Variants in SNX20 observed in about 807,000 individuals in gnomAD.
SNX20 encodes sorting nexin-20.
SNX20 carries 21 observed loss-of-function variants against 24.5 expected under a neutral mutation model. That is an observed-to-expected ratio of 0.86 (90% CI 0.61 to 1.23). SNX20 has a LOEUF of 1.23. Among genes scored for constraint, SNX20 ranks in the 50% most tolerant of loss-of-function variants. The pLI, the probability that SNX20 is intolerant of heterozygous loss-of-function variation, is 0.00. For synonymous variants in SNX20, 206 were observed against 192.8 expected (o/e 1.07, Z -0.57); for missense variants, 433 against 430.8 (o/e 1.00, Z -0.04).
At position 50,671,795 on chromosome 16, in the gene SNX20, G is replaced by A. The variant is rs569423689; in HGVS notation, c.*1611C>T. The A allele has an allele frequency of 6.6e-6, 1 of 152,344 alleles. No homozygotes were observed. The highest frequency in any genetic ancestry group is 1.9e-4 in the East Asian group (1 of 5,174). 9.4% of individuals were successfully genotyped at this position (152,344 alleles called of 1,614,324 possible). A position where few individuals can be genotyped will look rare whatever the true frequency, so the allele number is the denominator to read the frequency against. On this transcript the variant is annotated 3_prime_UTR_variant, in exon 4 of 4. Transcript: ENST00000330943. ...TATCTGTCCAAAGATGAGACAGTCTGTTTCTAGTTTCCCATCCAGCCTGAT... is the reference window on the plus strand; with the variant it reads ...TATCTGTCCAAAGATGAGACAGTCTATTTCTAGTTTCCCATCCAGCCTGAT...
chr16:50,675,652 G>T (rs781049520), intron 3 of SNX20, 118 bp downstream of exon 3: 54 of 1,290,624 alleles, frequency 4.2e-5, no homozygotes, highest in Non-Finnish European at 5.5e-5. Context: ...GAAGAAAGCT[G>T]TGAGTTAGTG....
intron 1 of SNX20, among the ~76,000 whole-genome samples, chr16:50,679,266 A>G (rs1332181998): frequency 7.2e-4 from 109 of 152,280 alleles, no homozygotes; most frequent in Non-Finnish European, 1.3e-4. Context: ...CTGAGCACAG[A>G]TGGGGGCGGG....
At chr16:50,674,191 C>A in intron 3 of SNX20, 117 bp from the exon 4 acceptor site, 1 of 1,235,960 alleles carries the variant, frequency 8.1e-7, no homozygotes, top group Admixed American at 3.4e-5. Context: ...AACGGGCGAT[C>A]CTTATATGCA....
At chr16:50,669,034 C>T (rs1211766367), downstream of SNX20, 1 of 1,551,814 alleles carries the variant, frequency 6.4e-7, no homozygotes, top group Admixed American at 2.0e-5. Context: ...TCTGTGTGTG[C>T]TGCCTCTCAG....
intron 1 of SNX20, among the ~76,000 whole-genome samples, chr16:50,680,448 C>G (rs1963273388): frequency 6.6e-6 from 1 of 152,136 alleles, no homozygotes; most frequent in Non-Finnish European, 1.5e-5. Flanking sequence ...TGTGCACAGA[C>G]AGTCATTCTC....
downstream of SNX20, chr16:50,668,468 T>G (rs1235785050): frequency 2.4e-6 from 2 of 847,774 alleles, no homozygotes; most frequent in African/African-American, 3.6e-5. Context: ...TTGTAGCTAC[T>G]TTCTAATTAT....
At chr16:50,668,785 G>T (rs990539804), downstream of SNX20, 13 of 1,225,132 alleles carry the variant, frequency 1.1e-5, no homozygotes, top group African/African-American at 1.9e-4. Flanking sequence ...CTACCAGCAG[G>T]TGGAACTGGT....
At chr16:50,674,116 G>A in intron 3 of SNX20, 42 bp from the exon 4 acceptor site, 3 of 1,542,710 alleles carry the variant, frequency 1.9e-6, no homozygotes, top group Non-Finnish European at 2.6e-6. Context: ...CTCCCGGCGG[G>A]GGCTGCGGCG....
At position 50,673,443 on chromosome 16, in the gene SNX20, G is replaced by C. The variant is rs762265145; in HGVS notation, c.914C>G (p.Thr305Ser). ...QLRRPTPRGI[T>S]LKELTVREYL... ...TTCTCGCACAGTGAGCTCCTTCAGGGTGATGCCTCGGGGCGTGGGCCTCCG... is the reference window on the plus strand; with the variant it reads ...TTCTCGCACAGTGAGCTCCTTCAGGCTGATGCCTCGGGGCGTGGGCCTCCG... The change falls in exon 4 of 4, where the codon ACC (threonine) becomes AGC (serine). Residue 305 changes from threonine to serine, a missense_variant. Physicochemically the swap from Thr to Ser is moderately conservative, Grantham distance 58. Transcript: ENST00000330943. This position sits in a 1 kb window ranked among gnomAD's most constrained non-coding sequence, Gnocchi z 4.1. 3.1e-6 allele frequency: 5 copies of C among 1,591,464 alleles called. No homozygotes were observed. Among genetic ancestry groups the C allele is most frequent in the Non-Finnish European group, 4.3e-6 (5 of 1,169,786 alleles).
chr16:50,673,278 G>A lies in SNX20; in HGVS notation c.*128C>T. 1.5e-6 allele frequency: 2 copies of A among 1,321,174 alleles called. No homozygotes were observed. Among genetic ancestry groups the A allele is most frequent in the Non-Finnish European group, 1.9e-6 (2 of 1,036,096 alleles). The allele number at this position is 1,321,174 out of a possible 1,614,324, so 81.8% of individuals were successfully genotyped here. A position where few individuals can be genotyped will look rare whatever the true frequency, so the allele number is the denominator to read the frequency against. On this transcript the variant is annotated 3_prime_UTR_variant, in exon 4 of 4. Coordinates refer to ENST00000330943, the MANE Select transcript of SNX20 (RefSeq NM_182854.4). This position sits in a 1 kb window ranked among gnomAD's most constrained non-coding sequence, Gnocchi z 4.1. Reference sequence around the variant, plus strand: ...ATTGAGCCACTGCACTTCAGTCTGGGTGACAGAGCAAGACTGTCTCAAATA... The same window carrying A: ...ATTGAGCCACTGCACTTCAGTCTGGATGACAGAGCAAGACTGTCTCAAATA...
chr16:50,678,615 G>A (rs1443903440), intron 1 of SNX20, among the ~76,000 whole-genome samples: 1 of 152,246 alleles, frequency 6.6e-6, no homozygotes, highest in Non-Finnish European at 1.5e-5. Flanking sequence ...AGGAGCTGGT[G>A]AGTGGTGGGC....
chr16:50,678,276 AATCT>A (rs754803737), intron 1 of SNX20, among the ~76,000 whole-genome samples: 10 of 152,182 alleles, frequency 6.6e-5, no homozygotes, highest in Non-Finnish European at 1.0e-4. Flanking sequence ...ATCAATCAAT[AATCT>A]ATCTATCAGC....
In SNX20 at chr16:50,675,756, C is replaced by T; in HGVS notation, c.282+14G>A. On this transcript the variant is annotated intron_variant, in intron 3 of 3. Coordinates refer to ENST00000330943, the MANE Select transcript of SNX20 (RefSeq NM_182854.4). ...GAGTGAAAGAGGCTCCACCATTTCC[C>T]AATCTCTGCTTACCACAAACTTAGA... 1 of 1,611,114 alleles carries T rather than the reference C, an allele frequency of 6.2e-7. No homozygotes were observed. The highest frequency in any genetic ancestry group is 8.5e-7 in the Non-Finnish European group (1 of 1,178,884).
At chr16:50,669,190 A>C (rs1962984132), downstream of SNX20, 1 of 922,410 alleles carries the variant, frequency 1.1e-6, no homozygotes, top group Non-Finnish European at 1.7e-6. Context: ...AAGGCGTGTC[A>C]GTCCATTTTG....
At chr16:50,675,373 T>C (rs1963157567) in intron 3 of SNX20, among the ~76,000 whole-genome samples, 1 of 152,210 alleles carries the variant, frequency 6.6e-6, no homozygotes, top group African/African-American at 2.4e-5. Context: ...GGTTTTCCAT[T>C]TAAGGTATTT....
rs1370741629 is a variant in SNX20 at position 50,673,837 on chromosome 16, C to T, written c.520G>A (p.Val174Met). Reference sequence around the variant, plus strand: ...TCCAGGAACTCCCGGGAGCGGCGCACGCAGCGGATGGCGTAGAGCAGGCCC... The same window carrying T: ...TCCAGGAACTCCCGGGAGCGGCGCATGCAGCGGATGGCGTAGAGCAGGCCC... ...YLGLLYAIRC[V>M]RRSREFLDFL... The change falls in exon 4 of 4, where the codon GTG (valine) becomes ATG (methionine). Residue 174 changes from valine to methionine, a missense_variant. Coordinates refer to ENST00000330943, the MANE Select transcript of SNX20 (RefSeq NM_182854.4). The surrounding 1 kb of genome is among the most constrained non-coding windows in gnomAD (Gnocchi z 4.1). 6.2e-7 allele frequency: 1 copy of T among 1,600,334 alleles called. No homozygotes were observed. The highest frequency in any genetic ancestry group is 1.3e-5 in the African/African-American group (1 of 74,640).
downstream of SNX20, chr16:50,671,044 ATAAG>A (rs1429574153): frequency 6.6e-6 from 1 of 151,764 alleles, no homozygotes; most frequent in Non-Finnish European, 1.5e-5. Context: ...TTACTCCCAT[ATAAG>A]TATTTTCTCT....
chr16:50,667,933 AG>A (rs892890042), downstream of SNX20: 14 of 1,342,342 alleles, frequency 1.0e-5, no homozygotes, highest in Middle Eastern at 2.1e-4. Context: ...CTAGATGGGT[AG>A]GGGGGGACCC....
chr16:50,667,835 G>A (rs2150757405), downstream of SNX20: 1 of 648,220 alleles, frequency 1.5e-6, no homozygotes, highest in Non-Finnish European at 2.7e-6. Context: ...TAGTGAGGGG[G>A]CCGAGCCTGG....
Sources: gnomAD v4.1 joint callset for allele counts (sites outside exome capture counted in the v4.1 genomes callset) on GRCh38, gnomAD v4.1.1 for gene constraint, Gnocchi (gnomAD v3.1) non-coding constraint, MANE v1.5 for transcripts, NCBI Gene and HGNC (gene_info 2026-07-23, HGNC 2026-07-21) for gene names.